Variants in ABCB5 observed in about 807,000 individuals in gnomAD.
ABCB5 encodes the protein ATP-binding cassette sub-family B member 5.
In ABCB5, 155 loss-of-function variants were observed where a neutral mutation model predicts 144.2. That is an observed-to-expected ratio of 1.08 (90% CI 0.94 to 1.23). ABCB5 has a LOEUF of 1.23. ABCB5 is among the 50% of genes most tolerant of loss of function. The pLI is 0.00. For synonymous variants in ABCB5, 610 were observed against 528.6 expected (o/e 1.15, Z -2.11); for missense variants, 1,830 against 1,520.8 (o/e 1.20, Z -3.38).
At chr7:20,660,532 C>A in intron 14 of ABCB5, 1 of 497,098 alleles carries the variant, frequency 2.0e-6, no homozygotes, top group Non-Finnish European at 2.6e-6. Context: ...GGGGAGAGTT[C>A]AAATACAGGC....
intron 5 of ABCB5, among the ~76,000 whole-genome samples, chr7:20,637,484 G>C (rs1374681930): frequency 6.7e-6 from 1 of 150,042 alleles, no homozygotes; most frequent in East Asian, 2.0e-4. Context: ...GCAATGGCAT[G>C]ATCTTGGCTC....
At chr7:20,628,167 C>T (rs1275514790) in intron 3 of ABCB5, among the ~76,000 whole-genome samples, 2 of 151,898 alleles carry the variant, frequency 1.3e-5, no homozygotes, top group Non-Finnish European at 2.9e-5. Context: ...CAGCCTCCCA[C>T]CCCACAACAG....
chr7:20,644,089 G>GT (rs11345008), intron 7 of ABCB5, among the ~76,000 whole-genome samples: 605 of 145,504 alleles, frequency 4.2e-3, no homozygotes, highest in Middle Eastern at 0.021. Flanking sequence ...TATATGTAAA[G>GT]TTTTTTTTTT....
At chr7:20,649,161 C>G (rs1784502553) in intron 11 of ABCB5, among the ~76,000 whole-genome samples, 1 of 152,112 alleles carries the variant, frequency 6.6e-6, no homozygotes, top group South Asian at 2.1e-4. Context: ...GAAACCAAAT[C>G]TAGAGTAAAA....
At chr7:20,754,191 T>C (rs1447360365) in intron 27 of ABCB5, among the ~76,000 whole-genome samples, 1 of 152,248 alleles carries the variant, frequency 6.6e-6, no homozygotes, top group Non-Finnish European at 1.5e-5. Context: ...ATGCCCATTT[T>C]ACAGATTGGC....
At chr7:20,647,876 T>C (rs1784457165) in intron 10 of ABCB5, 92 bp from the exon 11 acceptor site, 2 of 1,102,468 alleles carry the variant, frequency 1.8e-6, no homozygotes. Context: ...GAAACTGTCA[T>C]GGAAGAAAAC....
At chr7:20,659,481 T>C (rs1784927479) in intron 14 of ABCB5, 1 of 1,056,438 alleles carries the variant, frequency 9.5e-7, no homozygotes. Context: ...AGGCTAAATG[T>C]CCACTGCTTC....
chr7:20,652,952 A>G (rs887973105), intron 13 of ABCB5, among the ~76,000 whole-genome samples: 5 of 152,224 alleles, frequency 3.3e-5, no homozygotes, highest in African/African-American at 2.4e-5. Context: ...AAAATTTGTT[A>G]TGCCAGTAAT....
At chr7:20,673,376 T>C (rs1021839835) in intron 14 of ABCB5, among the ~76,000 whole-genome samples, 1 of 152,112 alleles carries the variant, frequency 6.6e-6, no homozygotes, top group African/African-American at 2.4e-5. Context: ...TCTTCAACTA[T>C]TACTGTAACT....
chr7:20,733,007 T>G (rs1425477605), intron 23 of ABCB5, among the ~76,000 whole-genome samples: 2 of 152,220 alleles, frequency 1.3e-5, no homozygotes, highest in Non-Finnish European at 2.9e-5. Flanking sequence ...CTGTATATTA[T>G]CTGTTTAATG....
chr7:20,660,137 GA>G, intron 14 of ABCB5: 1 of 981,802 alleles, frequency 1.0e-6, no homozygotes, highest in East Asian at 1.1e-4. Flanking sequence ...TTGGTGACAT[GA>G]TAAACTAATA....
intron 20 of ABCB5, among the ~76,000 whole-genome samples, chr7:20,713,814 T>C (rs1191155889): frequency 1.3e-5 from 2 of 149,662 alleles, no homozygotes; most frequent in East Asian, 4.0e-4. Context: ...AGTCCTGACA[T>C]GTATGCACTA....
chr7:20,624,722 T>G (rs1387379334), intron 2 of ABCB5, among the ~76,000 whole-genome samples: 1 of 152,158 alleles, frequency 6.6e-6, no homozygotes, highest in Non-Finnish European at 1.5e-5. Flanking sequence ...CATGCTGATT[T>G]GCGCTAATGA....
At chr7:20,671,570 A>G (rs889102294) in intron 14 of ABCB5, among the ~76,000 whole-genome samples, 3 of 152,340 alleles carry the variant, frequency 2.0e-5, no homozygotes, top group South Asian at 4.1e-4. Flanking sequence ...GAGCAATATC[A>G]TATGTATTCT....
At position 20,643,285 on chromosome 7, in the gene ABCB5, T is replaced by A; in HGVS notation, c.416T>A (p.Ile139Asn). 1 of 1,613,932 alleles carries A rather than the reference T, an allele frequency of 6.2e-7. No homozygotes were observed. The highest frequency in any genetic ancestry group is 1.1e-5 in the South Asian group (1 of 91,066). ...ACTGCAGCACGACAGACCAAGAGGATTCGAAAACAGTTTTTTCATTCAGTT... is the reference window on the plus strand; with the variant it reads ...ACTGCAGCACGACAGACCAAGAGGAATCGAAAACAGTTTTTTCATTCAGTT... ...IITAARQTKR[I>N]RKQFFHSVLA... Residue 139 changes from isoleucine to asparagine, a missense_variant, in exon 6 of 28, where the codon ATT becomes AAT. Physicochemically the swap from Ile to Asn is moderately radical, Grantham distance 149 (BLOSUM62 -3). Transcript: ENST00000404938.
intron 26 of ABCB5, among the ~76,000 whole-genome samples, chr7:20,746,683 T>C (rs1464575840): frequency 6.6e-6 from 1 of 152,172 alleles, no homozygotes; most frequent in Non-Finnish European, 1.5e-5. Flanking sequence ...AGAGAAGCCT[T>C]TGGTAGTGCA....
At chr7:20,694,906 C>G (rs1161923110) in intron 16 of ABCB5, among the ~76,000 whole-genome samples, 1 of 151,912 alleles carries the variant, frequency 6.6e-6, no homozygotes, top group Non-Finnish European at 1.5e-5. Flanking sequence ...AACCCACACA[C>G]TGCAATCTAT....
Position 20,658,494 on chromosome 7 carries a change from A to G in ABCB5, c.1537-12A>G, listed in dbSNP as rs559611153. The G allele has an allele frequency of 9.3e-6, 15 of 1,610,762 alleles. No homozygotes were observed. The East Asian group carries it at 2.5e-4, about 26-fold the overall frequency. ...CCTTCTGTTTCTGTGCTTCTTTCCT[A>G]TTTTTCATTAGAAATTTAATACATT... is the stretch of plus-strand genomic sequence containing the variant. On this transcript the variant is annotated splice_polypyrimidine_tract_variant and intron_variant, in intron 13 of 27. Transcript: ENST00000404938.
rs141916152 is a variant in ABCB5 at position 20,747,086 on chromosome 7, T to C, written c.3429+1648T>C. On this transcript the variant is annotated intron_variant, in intron 26 of 27. Transcript: ENST00000404938. Reference sequence around the variant, plus strand: ...GTAAGGGTTTGCAGTACTAAAGACATAGGAAGGATTCACATATTTTTTATA... The same window carrying C: ...GTAAGGGTTTGCAGTACTAAAGACACAGGAAGGATTCACATATTTTTTATA... 1.8e-3 allele frequency among the ~76,000 whole-genome samples: 268 copies of C among 152,302 alleles called. 1 individual carries two copies. Among genetic ancestry groups the C allele is most frequent in the African/African-American group, 6.2e-3 (257 of 41,560 alleles).
Sources: gnomAD v4.1 joint callset for allele counts (sites outside exome capture counted in the v4.1 genomes callset) on GRCh38, gnomAD v4.1.1 for gene constraint, MANE v1.5 for transcripts, NCBI Gene and HGNC (gene_info 2026-07-23, HGNC 2026-07-21) for gene names.